NCALD: variants seen among roughly 807,000 people sequenced by gnomAD.
NCALD encodes neurocalcin-delta.
NCALD carries 10 observed loss-of-function variants against 18.6 expected under a neutral mutation model. That is an observed-to-expected ratio of 0.54 (90% CI 0.33 to 0.91). The LOEUF is 0.91. Ranked by LOEUF, NCALD falls within the 40% of genes least tolerant of loss-of-function variation. The pLI, the probability that NCALD is intolerant of heterozygous loss-of-function variation, is 0.03. For missense variants in NCALD, 184 were observed against 247.6 expected, an observed-to-expected ratio of 0.74 and a Z score of 1.72; for synonymous variants, 88 against 87.4, an observed-to-expected ratio of 1.01 and a Z score of -0.04.
intron 1 of NCALD, among the ~76,000 whole-genome samples, chr8:101,753,324 C>T (rs1020824686): frequency 3.3e-5 from 5 of 152,138 alleles, no homozygotes; most frequent in Admixed American, 1.3e-4. Context: ...ATATTGAGAA[C>T]CTGGACAAAG....
chr8:101,985,496 A>G (rs1820774776), intron 2 of NCALD, among the ~76,000 whole-genome samples: 1 of 152,218 alleles, frequency 6.6e-6, no homozygotes, highest in South Asian at 2.1e-4. Flanking sequence ...GTCCTCAGCC[A>G]GTGAGAGGAT....
At chr8:102,094,326 T>C (rs556388) in intron 1 of NCALD, among the ~76,000 whole-genome samples, 70,510 of 152,098 alleles carry the variant, frequency 0.46, 16,818 homozygotes, top group Middle Eastern at 0.53. Flanking sequence ...CTGTACCAGA[T>C]GCTTTGTATA....
At chr8:102,111,764 A>G (rs996737617) in intron 1 of NCALD, among the ~76,000 whole-genome samples, 1 of 152,194 alleles carries the variant, frequency 6.6e-6, no homozygotes, top group Non-Finnish European at 1.5e-5. Flanking sequence ...AGCACATGCA[A>G]CAGTCAAATA....
At chr8:102,078,890 C>A (rs1247451874) in intron 1 of NCALD, among the ~76,000 whole-genome samples, 3 of 152,168 alleles carry the variant, frequency 2.0e-5, no homozygotes, top group African/African-American at 7.2e-5. Context: ...GAGACCAGGG[C>A]TTAAAACAGT....
chr8:101,869,204 G>A (rs1815902564), intron 4 of NCALD, among the ~76,000 whole-genome samples: 1 of 152,208 alleles, frequency 6.6e-6, no homozygotes, highest in African/African-American at 2.4e-5. Context: ...ATGTGATTAA[G>A]TTAAGGATCT....
upstream of NCALD, among the ~76,000 whole-genome samples, chr8:101,793,628 A>G (rs562940972): frequency 6.6e-6 from 1 of 152,350 alleles, no homozygotes; most frequent in South Asian, 2.1e-4. Context: ...AGTTGAAAGT[A>G]TCACAGGAAA....
rs1563578249 is a variant in NCALD, at chr8:102,054,705, GATA to G, written c.-209-34419_-209-34417del. Among the ~76,000 whole-genome samples the G allele has an allele frequency of 1.6e-3, 187 of 115,496 alleles. 2 individuals are homozygous for G. The highest frequency in any genetic ancestry group is 5.4e-3 in the African/African-American group (178 of 32,694). 75.8% of individuals were successfully genotyped at this position (115,496 alleles called of 152,430 possible). On this transcript the variant is annotated intron_variant, in intron 1 of 6. Coordinates refer to the NCALD transcript ENST00000311028. ...AGATAGATAGATAGATAGATAGATA[GATA>G]GATAGATAGATATCCTATAGATAGA...
chr8:101,876,662 G>A (rs1313586517), intron 4 of NCALD, among the ~76,000 whole-genome samples: 1 of 152,130 alleles, frequency 6.6e-6, no homozygotes, highest in African/African-American at 2.4e-5. Flanking sequence ...TTAATACCAT[G>A]GCAATGGATA....
chr8:102,050,075 T>C (rs981540397), intron 1 of NCALD, among the ~76,000 whole-genome samples: 49 of 142,598 alleles, frequency 3.4e-4, no homozygotes, highest in African/African-American at 1.2e-3. Context: ...GGCAGGAGAA[T>C]GGCGTGAACC....
intron 3 of NCALD, chr8:101,690,455 C>G: frequency 1.0e-6 from 1 of 985,474 alleles, no homozygotes; most frequent in Non-Finnish European, 1.2e-6. Context: ...CTCTGCACGC[C>G]TGTGGGTTTT....
chr8:102,073,495 T>C (rs1009957800), intron 1 of NCALD, among the ~76,000 whole-genome samples: 2 of 151,950 alleles, frequency 1.3e-5, no homozygotes, highest in African/African-American at 4.8e-5. Flanking sequence ...AAAGAAATTA[T>C]ATGAAATGGC....
chr8:101,937,968 C>T (rs1217662208), intron 2 of NCALD, among the ~76,000 whole-genome samples: 3 of 152,166 alleles, frequency 2.0e-5, no homozygotes, highest in Non-Finnish European at 4.4e-5. Context: ...CTCAGTTGTC[C>T]ATAGGTTACT....
At chr8:101,780,010 G>A (rs1586483171) in intron 1 of NCALD, 1 of 152,014 alleles carries the variant, frequency 6.6e-6, no homozygotes, top group African/African-American at 2.4e-5. Flanking sequence ...TAAACGTAAT[G>A]CTTTTTAATT....
intron 2 of NCALD, among the ~76,000 whole-genome samples, chr8:102,004,735 A>C (rs915448328): frequency 6.6e-6 from 1 of 152,090 alleles, no homozygotes; most frequent in Non-Finnish European, 1.5e-5. Context: ...ACATATCTAC[A>C]ACTATCTGAT....
chr8:102,123,025 C>T (rs1306383729), intron 1 of NCALD, among the ~76,000 whole-genome samples: 6 of 152,262 alleles, frequency 3.9e-5, no homozygotes, highest in Non-Finnish European at 7.3e-5. Flanking sequence ...CACACCCCCT[C>T]TCCTTTGTAG....
chr8:101,706,025 T>A (rs1481055434), intron 2 of NCALD, among the ~76,000 whole-genome samples: 2 of 152,226 alleles, frequency 1.3e-5, no homozygotes, highest in African/African-American at 4.8e-5. Flanking sequence ...AACTCGAGAA[T>A]GTCTGTTTAG....
At chr8:101,775,365 G>C (rs1811750098) in intron 1 of NCALD, among the ~76,000 whole-genome samples, 1 of 152,176 alleles carries the variant, frequency 6.6e-6, no homozygotes, top group African/African-American at 2.4e-5. Flanking sequence ...TCTGTCCACA[G>C]CTCGAGATAC....
At chr8:102,070,197 G>A (rs1824137643) in intron 1 of NCALD, 1 of 152,074 alleles carries the variant, frequency 6.6e-6, no homozygotes, top group Non-Finnish European at 1.5e-5. Flanking sequence ...TAGATGGTAG[G>A]AGTTCAGGTG....
chr8:102,112,718 G>T (rs1456691012), intron 1 of NCALD, among the ~76,000 whole-genome samples: 1 of 152,188 alleles, frequency 6.6e-6, no homozygotes, highest in Admixed American at 6.5e-5. Context: ...GAAGGTGCTT[G>T]GGTCGTGGGG....
Sources: allele counts gnomAD v4.1 joint callset (sites outside exome capture counted in the v4.1 genomes callset), GRCh38; gene constraint gnomAD v4.1.1; transcripts MANE v1.5; gene names NCBI Gene and HGNC (gene_info 2026-07-23, HGNC 2026-07-21).